MEP1B: variants seen among roughly 807,000 people sequenced by gnomAD.
The protein encoded by MEP1B is meprin A subunit beta, also known as N-benzoyl-L-tyrosyl-P-amino-benzoic acid hydrolase subunit beta.
Under a neutral mutation model 84.6 loss-of-function variants are expected in MEP1B, and 80 were observed. That is an observed-to-expected ratio of 0.95 (90% CI 0.79 to 1.14). The LOEUF is 1.14. Ranked by LOEUF, MEP1B falls within the 50% of genes most tolerant of loss-of-function variation. The pLI is 0.00. For synonymous variants in MEP1B, 273 were observed against 288.1 expected, an observed-to-expected ratio of 0.95 and a Z score of 0.53; for missense variants, 766 against 855.1, an observed-to-expected ratio of 0.90 and a Z score of 1.30.
chr18:32,195,044 T>C (rs2040838614), intron 4 of MEP1B, among the ~76,000 whole-genome samples: 1 of 152,234 alleles, frequency 6.6e-6, no homozygotes, highest in African/African-American at 2.4e-5. Context: ...CTTTTTCTGA[T>C]ATTGTGAGAT....
chr18:32,197,074 C>T (rs2040863403), intron 5 of MEP1B: 1 of 159,934 alleles, frequency 6.3e-6, no homozygotes. Flanking sequence ...ATTGTTTTAT[C>T]AACATTTTAT....
intron 5 of MEP1B, among the ~76,000 whole-genome samples, chr18:32,200,588 A>C (rs1468756811): frequency 2.0e-5 from 3 of 152,202 alleles, no homozygotes; most frequent in Non-Finnish European, 4.4e-5. Context: ...AGCAAAAATA[A>C]ATACCTATGA....
At chr18:32,203,152 T>C in intron 6 of MEP1B, 142 bp downstream of exon 6, 1 of 532,572 alleles carries the variant, frequency 1.9e-6, no homozygotes, top group Non-Finnish European at 3.3e-6. Context: ...AAAAAACAAC[T>C]GGATCTAGTT....
chr18:32,195,735 A>G (rs16962793), intron 5 of MEP1B, among the ~76,000 whole-genome samples: 5,555 of 152,222 alleles, frequency 0.036, 304 homozygotes, highest in African/African-American at 0.12. Context: ...GTTTATGGAG[A>G]GCCTACTCTG....
intron 4 of MEP1B, 97 bp downstream of exon 4, chr18:32,192,914 C>A: frequency 1.1e-6 from 1 of 903,208 alleles, no homozygotes; most frequent in Non-Finnish European, 1.8e-6. Context: ...CTTTGTTAAG[C>A]CTAACTATCT....
intron 1 of MEP1B, among the ~76,000 whole-genome samples, chr18:32,190,952 T>A (rs1463306006): frequency 6.6e-6 from 1 of 152,148 alleles, no homozygotes; most frequent in African/African-American, 2.4e-5. Flanking sequence ...ATATGTAAGC[T>A]GTATTTGAAT....
intron 2 of MEP1B, 48 bp downstream of exon 2, chr18:32,191,888 T>G: frequency 8.4e-7 from 1 of 1,191,106 alleles, no homozygotes; most frequent in South Asian, 1.4e-5. Context: ...ACCTAGGACA[T>G]ATTTAATGCT....
In MEP1B at chr18:32,217,919, A is replaced by T. The variant is rs2144438660; in HGVS notation, c.2045A>T (p.Tyr682Phe). Reference sequence around the variant, plus strand: ...AGTGTCTATTGCACCAGGAAGAAATATCGTGAAAGGATGAGCTCAAATCGA... The same window carrying T: ...AGTGTCTATTGCACCAGGAAGAAATTTCGTGAAAGGATGAGCTCAAATCGA... ...LVSVYCTRKK[Y>F]RERMSSNRPN... Residue 682 changes from tyrosine (Y) to phenylalanine (F), a missense_variant, in exon 14 of 15, where the codon TAT becomes TTT. Transcript: ENST00000269202. 1.2e-6 allele frequency: 2 copies of T among 1,614,028 alleles called. No individual in the cohort carries two copies. The highest frequency in any genetic ancestry group is 1.6e-4 in the Middle Eastern group (1 of 6,062).
intron 4 of MEP1B, among the ~76,000 whole-genome samples, chr18:32,193,952 G>A (rs939159858): frequency 6.6e-6 from 1 of 152,106 alleles, no homozygotes; most frequent in Admixed American, 6.6e-5. Context: ...GCACTAATTT[G>A]CCAGCTCCAC....
Position 32,213,401 on chromosome 18 carries a change from G to A in MEP1B, c.1421G>A (p.Gly474Glu). ...AATCTAGCCCATGTGACTAATGCAG[G>A]GATATATTTCCACTTGATCTCTGGA... ...YLNLAHVTNAGIYFHLISGAN... is the reference protein window; with the variant it reads ...YLNLAHVTNAEIYFHLISGAN... The change falls in exon 11 of 15, where the codon GGG (glycine) becomes GAG (glutamate). Residue 474 changes from glycine (G) to glutamate (E), a missense_variant. Coordinates refer to ENST00000269202, the MANE Select transcript of MEP1B (RefSeq NM_005925.3). The A allele has an allele frequency of 1.2e-6, 2 of 1,613,836 alleles. No individual in the cohort carries two copies.
chr18:32,193,155 A>G (rs1053628710), intron 4 of MEP1B, among the ~76,000 whole-genome samples: 2 of 152,194 alleles, frequency 1.3e-5, no homozygotes, highest in Admixed American at 6.5e-5. Flanking sequence ...TGGAGGCAAA[A>G]TTAAACTGAA....
At position 32,210,697 on chromosome 18, in the gene MEP1B, C is replaced by G. The variant is rs747517521; in HGVS notation, c.1116C>G (p.Thr372=). 1.2e-6 allele frequency: 2 copies of G among 1,613,162 alleles called. No individual in the cohort carries two copies. The highest frequency in any genetic ancestry group is 3.3e-5 in the Admixed American group (2 of 60,008). ...YSADNVDGNL[T]LVEEIKEIPT... ...CAGACAATGTGGATGGCAATTTAAC[C>G]CTTGTGGAAGAAATAAAAGGTACAA... Residue 372 remains threonine (T), a synonymous_variant, in exon 10 of 15, where the codon ACC becomes ACG. Coordinates refer to ENST00000269202, the MANE Select transcript of MEP1B (RefSeq NM_005925.3).
chr18:32,192,565 T>C (rs1378695570), intron 2 of MEP1B, 81 bp from the exon 3 acceptor site: 2 of 1,345,696 alleles, frequency 1.5e-6, no homozygotes, highest in Non-Finnish European at 2.1e-6. Flanking sequence ...ACTTGCTTAG[T>C]TCTGATTATA....
Position 32,213,203 on chromosome 18 carries a change from C to G in MEP1B, c.1223C>G (p.Ser408Cys). Residue 408 changes from serine (S) to cysteine (C), a missense_variant, in exon 11 of 15, where the codon TCT becomes TGT. Transcript: ENST00000269202. Reference protein sequence around the residue: ...FRVVFEGRKGSGASLGGLSID... With the variant: ...FRVVFEGRKGCGASLGGLSID... Reference sequence around the variant, plus strand: ...GTGGTGTTTGAAGGACGCAAAGGCTCTGGTGCATCACTGGGTGGTCTGTCT... The same window carrying G: ...GTGGTGTTTGAAGGACGCAAAGGCTGTGGTGCATCACTGGGTGGTCTGTCT... 6.2e-7 allele frequency: 1 copy of G among 1,613,984 alleles called. No individual in the cohort carries two copies. Among genetic ancestry groups the G allele is most frequent in the Non-Finnish European group, 8.5e-7 (1 of 1,179,872 alleles).
intron 4 of MEP1B, among the ~76,000 whole-genome samples, chr18:32,193,338 C>G (rs994280228): frequency 6.6e-6 from 1 of 152,084 alleles, no homozygotes; most frequent in African/African-American, 2.4e-5. Context: ...ACACAAGAAC[C>G]TTGCAGGTAG....
In MEP1B at chr18:32,217,080, G is replaced by A. The variant is rs191558431; in HGVS notation, c.1849G>A (p.Gly617Ser). 1.9e-4 allele frequency: 312 copies of A among 1,613,856 alleles called. 1 individual carries two copies. Among genetic ancestry groups the A allele is most frequent in the South Asian group, 1.3e-3 (119 of 91,080 alleles). The change falls in exon 13 of 15, where the codon GGT (glycine) becomes AGT (serine). Residue 617 changes from glycine (G) to serine (S), a missense_variant. Transcript: ENST00000269202. ...CTCAAAAACCACCTGTAAAAATGACGGTGTCTGCACTGTTCGAGATGGCAA... is the reference window on the plus strand; with the variant it reads ...CTCAAAAACCACCTGTAAAAATGACAGTGTCTGCACTGTTCGAGATGGCAA... ...LCSKTTCKND[G>S]VCTVRDGKAE...
At chr18:32,215,800 G>A (rs558236752) in intron 12 of MEP1B, among the ~76,000 whole-genome samples, 11 of 152,048 alleles carry the variant, frequency 7.2e-5, no homozygotes, top group African/African-American at 2.2e-4. Flanking sequence ...CTCCAGCCTG[G>A]GCCAAAGAGC....
At chr18:32,217,244 G>T (rs2041100059) in intron 13 of MEP1B, 127 bp downstream of exon 13, 9 of 1,137,476 alleles carry the variant, frequency 7.9e-6, no homozygotes, top group East Asian at 7.8e-5. Context: ...GCCATTCATA[G>T]AATTTTTTTT....
intron 11 of MEP1B, among the ~76,000 whole-genome samples, chr18:32,213,852 T>C (rs2041056299): frequency 6.6e-6 from 1 of 152,216 alleles, no homozygotes; most frequent in Non-Finnish European, 1.5e-5. Context: ...GAGTCTGACA[T>C]GCCTGAGTTC....
Sources: allele counts gnomAD v4.1 joint callset (sites outside exome capture counted in the v4.1 genomes callset), GRCh38; gene constraint gnomAD v4.1.1; transcripts MANE v1.5; gene names NCBI Gene and HGNC (gene_info 2026-07-23, HGNC 2026-07-21).